RAD50: variants seen among roughly 807,000 people sequenced by gnomAD.
RAD50 encodes the protein DNA repair protein RAD50.
In RAD50, 132 loss-of-function variants were observed where a neutral mutation model predicts 168.8. The ratio of observed to expected loss-of-function variants is 0.78; its 90% CI spans 0.68 to 0.90. RAD50 has a LOEUF of 0.90. Ranked by LOEUF, RAD50 falls within the 40% of genes least tolerant of loss-of-function variation. The pLI is 0.00. For synonymous variants in RAD50, 525 were observed against 497.4 expected, an observed-to-expected ratio of 1.06 and a Z score of -0.74; for missense variants, 1,347 against 1,534.4, an observed-to-expected ratio of 0.88 and a Z score of 2.04.
At chr5:132,631,715 T>C (rs1338724715) in intron 21 of RAD50, among the ~76,000 whole-genome samples, 2 of 152,162 alleles carry the variant, frequency 1.3e-5, no homozygotes, top group Admixed American at 1.3e-4. Context: ...ATAGCTCCTA[T>C]AGGGTTCTTG....
chr5:132,574,059 T>C (rs1041367649), intron 2 of RAD50, among the ~76,000 whole-genome samples: 1 of 152,214 alleles, frequency 6.6e-6, no homozygotes, highest in Non-Finnish European at 1.5e-5. Flanking sequence ...CTGGGGGATC[T>C]ACCAGTCTGG....
intron 2 of RAD50, 78 bp from the exon 3 acceptor site, chr5:132,575,699 T>C (rs1186114725): frequency 1.4e-6 from 2 of 1,413,464 alleles, no homozygotes; most frequent in African/African-American, 1.4e-5. Flanking sequence ...TTGGGTAAGA[T>C]TGCTTATGCC....
chr5:132,607,701 A>G (rs1751010009), intron 16 of RAD50, among the ~76,000 whole-genome samples: 1 of 152,214 alleles, frequency 6.6e-6, no homozygotes, highest in African/African-American at 2.4e-5. Context: ...AGAAAAATTG[A>G]GATTTACAAA....
chr5:132,609,467 A>C, intron 19 of RAD50, 71 bp downstream of exon 19: 1 of 1,574,814 alleles, frequency 6.3e-7, no homozygotes, highest in Non-Finnish European at 8.6e-7. Flanking sequence ...TTTCAATAGA[A>C]GATCCATTGA....
chr5:132,578,072 C>T (rs757030266), intron 3 of RAD50, among the ~76,000 whole-genome samples: 2 of 152,166 alleles, frequency 1.3e-5, no homozygotes, highest in Non-Finnish European at 2.9e-5. Context: ...CTCAGCCTCC[C>T]AAAGTGCTGG....
intron 16 of RAD50, among the ~76,000 whole-genome samples, chr5:132,606,737 C>T (rs1264918571): frequency 1.3e-5 from 2 of 152,132 alleles, no homozygotes; most frequent in Non-Finnish European, 2.9e-5. Context: ...ACTGGCAAAC[C>T]GAATCCAGCA....
At chr5:132,609,497 A>C in intron 19 of RAD50, 101 bp downstream of exon 19, 2 of 1,532,572 alleles carry the variant, frequency 1.3e-6, no homozygotes, top group Non-Finnish European at 1.8e-6. Flanking sequence ...CAAAAAGGAA[A>C]GAGGCCAAGC....
chr5:132,629,530 G>A (rs1385118475), intron 21 of RAD50, among the ~76,000 whole-genome samples: 3 of 152,002 alleles, frequency 2.0e-5, no homozygotes, highest in South Asian at 4.1e-4. Context: ...CTCTTACCTG[G>A]TACTCAGATG....
intron 21 of RAD50, among the ~76,000 whole-genome samples, chr5:132,628,802 G>A (rs1318575733): frequency 3.3e-5 from 5 of 151,772 alleles, no homozygotes; most frequent in East Asian, 1.9e-4. Context: ...AGCCAAGATC[G>A]TGCCATTGTA....
rs1751795821 is a variant in RAD50, at chr5:132,643,888, T to TG, written c.*1525dup. On this transcript the variant is annotated 3_prime_UTR_variant, in exon 25 of 25. Coordinates refer to ENST00000378823, the MANE Select transcript of RAD50 (RefSeq NM_005732.4). ...TCCATCACTATAATAAAACCGAAGG[T>TG]GAAAAAAATTCTGAAAAAATTCTAG... The TG allele has an allele frequency of 4.3e-6, 1 of 231,038 alleles. No homozygotes were observed. Among genetic ancestry groups the TG allele is most frequent in the Non-Finnish European group, 8.5e-6 (1 of 117,122 alleles). 14.3% of individuals were successfully genotyped at this position (231,038 alleles called of 1,614,324 possible). A position where few individuals can be genotyped will look rare whatever the true frequency, so the allele number is the denominator to read the frequency against.
At position 132,579,341 on chromosome 5, in the gene RAD50, C is replaced by T; in HGVS notation, c.390C>T (p.Ser130=). The T allele has an allele frequency of 6.2e-7, 1 of 1,613,852 alleles. No individual in the cohort carries two copies. The highest frequency in any genetic ancestry group is 8.5e-7 in the Non-Finnish European group (1 of 1,179,920). The change falls in exon 4 of 25, where the codon AGC becomes AGT. Residue 130 remains serine (S), a synonymous_variant. Transcript: ENST00000378823. ...GGCATGGTGAAAAGGTCAGTCTGAGCTCTAAGTGTGCAGAAATTGACCGAG... is the reference window on the plus strand; with the variant it reads ...GGCATGGTGAAAAGGTCAGTCTGAGTTCTAAGTGTGCAGAAATTGACCGAG... ...RTKHGEKVSL[S]SKCAEIDREM...
chr5:132,642,319 G>T lies in RAD50; in HGVS notation c.3894G>T (p.Glu1298Asp), dbSNP rs1751745380. 7 of 1,614,072 alleles carry T rather than the reference G, an allele frequency of 4.3e-6. No homozygotes were observed. Among genetic ancestry groups the T allele is most frequent in the Non-Finnish European group, 5.9e-6 (7 of 1,179,972 alleles). The change falls in exon 25 of 25, where the codon GAG becomes GAT. Residue 1298 changes from glutamate (E) to aspartate (D), a missense_variant. By Grantham distance (45) the Glu-to-Asp change is conservative. Coordinates refer to ENST00000378823, the MANE Select transcript of RAD50 (RefSeq NM_005732.4). The stretch of plus-strand genomic sequence containing the variant: ...AAAAGAACATCGATCAGTGCTCAGA[G>T]ATTGTGAAATGCAGTGTTAGCTCCC... Reference protein sequence around the residue: ...RIKKNIDQCSEIVKCSVSSLG... With the variant: ...RIKKNIDQCSDIVKCSVSSLG...
At chr5:132,578,912 T>A (rs575593362) in intron 3 of RAD50, among the ~76,000 whole-genome samples, 2 of 152,194 alleles carry the variant, frequency 1.3e-5, no homozygotes, top group Non-Finnish European at 2.9e-5. Context: ...GAGCAGTCTG[T>A]TACTGAAGAA....
At chr5:132,577,569 A>C (rs898350772) in intron 3 of RAD50, among the ~76,000 whole-genome samples, 2 of 152,120 alleles carry the variant, frequency 1.3e-5, no homozygotes, top group Non-Finnish European at 2.9e-5. Context: ...CTCTCTTTCT[A>C]TCACAGCTAC....
intron 20 of RAD50, among the ~76,000 whole-genome samples, chr5:132,616,752 G>A (rs779462827): frequency 3.3e-5 from 5 of 152,152 alleles, no homozygotes; most frequent in Non-Finnish European, 5.9e-5. Flanking sequence ...ATAAAAGGTT[G>A]TACTAGGCAA....
intron 2 of RAD50, among the ~76,000 whole-genome samples, chr5:132,569,713 G>A (rs1197786592): frequency 6.6e-6 from 1 of 152,198 alleles, no homozygotes; most frequent in Non-Finnish European, 1.5e-5. Context: ...CATTCTGTAA[G>A]ATAGACCAAC....
rs1240094416 is a variant in RAD50, at chr5:132,641,899, A to ACTT, written c.3753-276_3753-274dup. On this transcript the variant is annotated intron_variant, in intron 24 of 24. Transcript: ENST00000378823. ...AATATTTATACCTGCTTTAGTGAGA[A>ACTT]CTTCTGATCTGGAAGAAACTAGTTC... 13 of 429,628 alleles carry ACTT rather than the reference A, an allele frequency of 3.0e-5. No individual in the cohort carries two copies. In the East Asian group the frequency reaches 5.1e-4, roughly 17 times the overall value. 26.6% of individuals were successfully genotyped at this position (429,628 alleles called of 1,614,324 possible). A position where few individuals can be genotyped will look rare whatever the true frequency, so the allele number is the denominator to read the frequency against.
intron 21 of RAD50, among the ~76,000 whole-genome samples, chr5:132,620,690 G>GC (rs1041669484): frequency 8.5e-5 from 13 of 152,052 alleles, no homozygotes; most frequent in Admixed American, 7.2e-4. Context: ...GGGACACTAA[G>GC]CCCCCCACGC....
chr5:132,612,710 C>A (rs575251529), intron 19 of RAD50, among the ~76,000 whole-genome samples: 2 of 152,106 alleles, frequency 1.3e-5, no homozygotes, highest in African/African-American at 4.8e-5. Context: ...TACCTGTAGT[C>A]CCAGCTACTC....
Sources: allele counts gnomAD v4.1 joint callset (sites outside exome capture counted in the v4.1 genomes callset), GRCh38; gene constraint gnomAD v4.1.1; transcripts MANE v1.5; gene names NCBI Gene and HGNC (gene_info 2026-07-23, HGNC 2026-07-21).